Variants in CADPS observed in about 807,000 individuals in gnomAD.
CADPS encodes the protein calcium-dependent secretion activator 1.
A neutral mutation model predicts 167.3 loss-of-function variants in CADPS; 57 were observed. The observed-to-expected ratio is 0.34, with a 90% confidence interval of 0.28 to 0.42. The LOEUF (loss-of-function observed/expected upper bound fraction) is 0.42, where lower values mean the gene tolerates loss of function less well. Among genes scored for constraint, CADPS ranks in the 20% least tolerant of loss-of-function variants. The pLI is 1.00. For synonymous variants in CADPS, 676 were observed against 635.3 expected, an observed-to-expected ratio of 1.06 and a Z score of -0.96; for missense variants, 1,414 against 1,738.1, an observed-to-expected ratio of 0.81 and a Z score of 3.32.
At chr3:62,643,926 GA>G (rs1302705778) in intron 6 of CADPS, among the ~76,000 whole-genome samples, 43 of 152,152 alleles carry the variant, frequency 2.8e-4, no homozygotes, top group Non-Finnish European at 8.8e-5. Flanking sequence ...CAGTAAAAAA[GA>G]AACCACATTT....
intron 1 of CADPS, among the ~76,000 whole-genome samples, chr3:62,788,303 T>C (rs1037186453): frequency 6.6e-6 from 1 of 152,172 alleles, no homozygotes; most frequent in African/African-American, 2.4e-5. Context: ...TACGTATTGT[T>C]ACTTCAATTT....
At chr3:62,641,767 G>A (rs1429177504) in intron 6 of CADPS, among the ~76,000 whole-genome samples, 1 of 152,140 alleles carries the variant, frequency 6.6e-6, no homozygotes. Context: ...GATATAGTCT[G>A]CTTGGAAACA....
At chr3:62,515,469 G>A (rs2068750912) in intron 16 of CADPS, among the ~76,000 whole-genome samples, 1 of 152,092 alleles carries the variant, frequency 6.6e-6, no homozygotes. Flanking sequence ...TAAAACTTGA[G>A]AGGGCAGTGG....
intron 7 of CADPS, among the ~76,000 whole-genome samples, chr3:62,591,140 G>A (rs888881952): frequency 4.6e-5 from 7 of 152,178 alleles, no homozygotes; most frequent in Non-Finnish European, 8.8e-5. Flanking sequence ...TTACAGGCGT[G>A]AGCCACCGCG....
intron 1 of CADPS, among the ~76,000 whole-genome samples, chr3:62,803,213 G>A (rs1040452965): frequency 7.9e-5 from 12 of 152,152 alleles, no homozygotes; most frequent in African/African-American, 2.7e-4. Flanking sequence ...ACTAGCTGGG[G>A]AAGGAGAGAA....
intron 14 of CADPS, among the ~76,000 whole-genome samples, chr3:62,517,244 G>C (rs1012460425): frequency 4.6e-5 from 7 of 152,122 alleles, no homozygotes; most frequent in African/African-American, 1.7e-4. Flanking sequence ...ACAAGTTCCA[G>C]TGACTGGTTT....
At chr3:62,749,216 T>C (rs75846231) in intron 3 of CADPS, among the ~76,000 whole-genome samples, 2,619 of 152,310 alleles carry the variant, frequency 0.017, 83 homozygotes, top group African/African-American at 0.059. Context: ...CAGAGACATT[T>C]GTTAAACTCT....
At chr3:62,620,948 T>C (rs1300166653) in intron 6 of CADPS, among the ~76,000 whole-genome samples, 2 of 152,252 alleles carry the variant, frequency 1.3e-5, no homozygotes, top group East Asian at 3.9e-4. Context: ...ACTGAGAGTT[T>C]GGAAGCCCAG....
intron 6 of CADPS, among the ~76,000 whole-genome samples, chr3:62,599,630 TAATAAATATA>T (rs2059437439): frequency 1.6e-4 from 2 of 12,136 alleles, no homozygotes; most frequent in East Asian, 8.5e-3. Context: ...ATATATAATA[TAATAAATATA>T]ATATATAATA....
intron 11 of CADPS, among the ~76,000 whole-genome samples, chr3:62,540,198 T>G (rs952326867): frequency 1.3e-5 from 2 of 152,160 alleles, no homozygotes; most frequent in African/African-American, 4.8e-5. Flanking sequence ...CCTTATCATT[T>G]CTAGGAAGCT....
At chr3:62,663,250 G>T (rs1345086209) in intron 3 of CADPS, among the ~76,000 whole-genome samples, 1 of 152,122 alleles carries the variant, frequency 6.6e-6, no homozygotes, top group Non-Finnish European at 1.5e-5. Flanking sequence ...TGTAAGTATA[G>T]ATAATATATA....
chr3:62,567,171 CAG>C (rs1245037201), intron 9 of CADPS, among the ~76,000 whole-genome samples: 2 of 152,090 alleles, frequency 1.3e-5, no homozygotes, highest in Admixed American at 6.6e-5. Context: ...GTTTTTCCTG[CAG>C]AGTTTCCTCT....
chr3:62,530,712 T>C, intron 13 of CADPS: 19 of 1,289,272 alleles, frequency 1.5e-5, no homozygotes, highest in Non-Finnish European at 1.9e-5. Flanking sequence ...GATTCCTTTT[T>C]GGTATCTTTT....
Position 62,490,960 on chromosome 3 carries a change from T to A in CADPS, c.3026+379A>T, listed in dbSNP as rs540587437. On this transcript the variant is annotated intron_variant, in intron 21 of 29. Transcript: ENST00000383710. ...ATGGCCTTTTATAGAAAAAGTTTGCTGACCTCCCTGCCTAGAACCCCACCG... is the reference window on the plus strand; with the variant it reads ...ATGGCCTTTTATAGAAAAAGTTTGCAGACCTCCCTGCCTAGAACCCCACCG... Among the ~76,000 whole-genome samples the A allele has an allele frequency of 5.3e-4, 80 of 152,302 alleles. 1 individual carries two copies. Among genetic ancestry groups the A allele is most frequent in the Admixed American group, 5.2e-3 (80 of 15,286 alleles).
At chr3:62,638,308 C>T (rs1054328857) in intron 6 of CADPS, among the ~76,000 whole-genome samples, 11 of 152,018 alleles carry the variant, frequency 7.2e-5, no homozygotes, top group Non-Finnish European at 1.5e-5. Flanking sequence ...GAATTTCCCC[C>T]TCATTCTATC....
At chr3:62,680,030 C>T (rs1199381461) in intron 3 of CADPS, among the ~76,000 whole-genome samples, 1 of 151,944 alleles carries the variant, frequency 6.6e-6, no homozygotes, top group Non-Finnish European at 1.5e-5. Context: ...AGAAAACTAC[C>T]TCTACAGGCT....
intron 3 of CADPS, among the ~76,000 whole-genome samples, chr3:62,745,135 T>G (rs778710048): frequency 3.3e-4 from 51 of 152,240 alleles, no homozygotes; most frequent in Admixed American, 1.2e-3. Context: ...CAGGCTGGAG[T>G]GCAGTGGCAC....
intron 1 of CADPS, among the ~76,000 whole-genome samples, chr3:62,854,485 A>G (rs2079259254): frequency 6.6e-6 from 1 of 152,214 alleles, no homozygotes; most frequent in South Asian, 2.1e-4. Context: ...GGAAATGACT[A>G]TAGGATTGGG....
chr3:62,770,923 T>C (rs2088532407), intron 1 of CADPS, among the ~76,000 whole-genome samples: 1 of 152,214 alleles, frequency 6.6e-6, no homozygotes, highest in Non-Finnish European at 1.5e-5. Flanking sequence ...CGATCATACA[T>C]GATGAGATTC....
Sources: gnomAD v4.1 joint callset for allele counts (sites outside exome capture counted in the v4.1 genomes callset) on GRCh38, gnomAD v4.1.1 for gene constraint, MANE v1.5 for transcripts, NCBI Gene and HGNC (gene_info 2026-07-23, HGNC 2026-07-21) for gene names.